The following DIS3L2 variants were observed in gnomAD, a reference collection of about 807,000 sequenced individuals.
DIS3L2 encodes the protein DIS3-like exonuclease 2.
A neutral mutation model predicts 97.5 loss-of-function variants in DIS3L2; 34 were observed. That is an observed-to-expected ratio of 0.35 (90% CI 0.27 to 0.46). DIS3L2 has a LOEUF of 0.46. Ranked by LOEUF, DIS3L2 falls within the 20% of genes least tolerant of loss-of-function variation. The probability of loss-of-function intolerance (pLI) is 1.00; values close to 1 mark genes in which losing one functional copy is unlikely to be tolerated. For missense variants in DIS3L2, 1,038 were observed against 1,146.0 expected (o/e 0.91, Z 1.36); for synonymous variants, 435 against 445.2 (o/e 0.98, Z 0.29).
intron 7 of DIS3L2, chr2:232,131,004 T>G: frequency 3.0e-6 from 1 of 338,804 alleles, no homozygotes; most frequent in Non-Finnish European, 5.3e-6. Context: ...AATGCAGCAT[T>G]TATCACTTTG....
intron 10 of DIS3L2, among the ~76,000 whole-genome samples, chr2:232,222,805 A>AT (rs1692540378): frequency 6.6e-6 from 1 of 152,154 alleles, no homozygotes. Flanking sequence ...TTGTATGATC[A>AT]TTTTTTACTG....
intron 6 of DIS3L2, among the ~76,000 whole-genome samples, chr2:232,122,613 G>C (rs1041162939): frequency 6.6e-6 from 1 of 152,138 alleles, no homozygotes; most frequent in Non-Finnish European, 1.5e-5. Flanking sequence ...AGCTACTCGG[G>C]AGGCTGAGGC....
At chr2:232,021,791 C>G (rs1694523038) in intron 3 of DIS3L2, among the ~76,000 whole-genome samples, 1 of 152,064 alleles carries the variant, frequency 6.6e-6, no homozygotes, top group African/African-American at 2.4e-5. Flanking sequence ...GATGGGGAAG[C>G]AAAGAGACCT....
intron 5 of DIS3L2, among the ~76,000 whole-genome samples, chr2:232,033,745 G>C (rs181437028): frequency 1.2e-3 from 188 of 152,224 alleles, no homozygotes; most frequent in African/African-American, 4.1e-3. Flanking sequence ...TTTGTCATCG[G>C]TTCTGTTTAT....
At chr2:232,045,552 A>G (rs72987689) in intron 5 of DIS3L2, among the ~76,000 whole-genome samples, 1,718 of 152,228 alleles carry the variant, frequency 0.011, 19 homozygotes, top group Non-Finnish European at 0.016. Flanking sequence ...GTGTCCTCAC[A>G]TGGCAGAAAG....
chr2:232,159,296 T>G (rs1468689615), intron 8 of DIS3L2, among the ~76,000 whole-genome samples: 1 of 152,204 alleles, frequency 6.6e-6, no homozygotes, highest in Admixed American at 6.5e-5. Flanking sequence ...TTACCACCAC[T>G]CTTGCAGGAC....
At position 232,156,536 on chromosome 2, in the gene DIS3L2, C is replaced by T. The variant is rs557631644; in HGVS notation, c.951-6923C>T. Among the ~76,000 whole-genome samples the T allele has an allele frequency of 1.8e-4, 28 of 151,736 alleles. No homozygotes were observed. The South Asian group carries it at 2.1e-3, about 11-fold the overall frequency. On this transcript the variant is annotated intron_variant, in intron 8 of 20. Coordinates refer to ENST00000325385, the MANE Select transcript of DIS3L2 (RefSeq NM_152383.5). ...ATGTTTGGATGGTTCCTTCTACTCT[C>T]CCTCCCTGGAATCTTTAAATAGTGA... is the stretch of plus-strand genomic sequence containing the variant.
chr2:232,231,466 G>C (rs980182241), intron 10 of DIS3L2, among the ~76,000 whole-genome samples: 1 of 152,226 alleles, frequency 6.6e-6, no homozygotes, highest in African/African-American at 2.4e-5. Flanking sequence ...AGATGGGCTT[G>C]TTCTGGGCAC....
Position 232,292,708 on chromosome 2 carries a change from A to G in DIS3L2, c.1660-7332A>G, listed in dbSNP as rs1487188182. On this transcript the variant is annotated intron_variant, in intron 13 of 20. Transcript: ENST00000325385. This position sits in a 1 kb window ranked among gnomAD's most constrained non-coding sequence, Gnocchi z 4.4. ...TGTGTGACCTCAGCCTGAGCCCCTG[A>G]AAGGAGAAGGCTCTCCCATTTTCTG... Among the ~76,000 whole-genome samples, 1 of 152,182 alleles carries G rather than the reference A, an allele frequency of 6.6e-6. No individual in the cohort carries two copies. Among genetic ancestry groups the G allele is most frequent in the Admixed American group, 6.5e-5 (1 of 15,282 alleles).
chr2:232,106,333 T>C (rs1489216660), intron 6 of DIS3L2, among the ~76,000 whole-genome samples: 2 of 152,190 alleles, frequency 1.3e-5, no homozygotes, highest in African/African-American at 4.8e-5. Flanking sequence ...TTTATAATAC[T>C]GAATGAAAAT....
intron 5 of DIS3L2, among the ~76,000 whole-genome samples, chr2:232,046,847 C>A (rs569373222): frequency 6.6e-5 from 10 of 151,918 alleles, no homozygotes; most frequent in Non-Finnish European, 1.5e-4. Context: ...AAGATGGGGT[C>A]TTGCTGTATT....
At chr2:232,279,529 TG>T (rs1645479209) in intron 13 of DIS3L2, among the ~76,000 whole-genome samples, 2 of 151,842 alleles carry the variant, frequency 1.3e-5, no homozygotes, top group Admixed American at 6.6e-5. Context: ...TTTGTTTGTT[TG>T]TTTGTTTGTT....
chr2:232,043,031 G>A (rs1054415581), intron 5 of DIS3L2, among the ~76,000 whole-genome samples: 2 of 152,144 alleles, frequency 1.3e-5, no homozygotes, highest in Non-Finnish European at 2.9e-5. Context: ...ACTGACAGAA[G>A]ACAAAATATT....
chr2:232,230,914 AC>A (rs992462340), intron 10 of DIS3L2, among the ~76,000 whole-genome samples: 2 of 149,962 alleles, frequency 1.3e-5, no homozygotes, highest in African/African-American at 2.5e-5. Flanking sequence ...GCTTGCGCCC[AC>A]CCCCCATCCT....
At chr2:232,121,073 A>G (rs116264825) in intron 6 of DIS3L2, among the ~76,000 whole-genome samples, 2,261 of 152,092 alleles carry the variant, frequency 0.015, 43 homozygotes, top group Admixed American at 0.054. Context: ...TATTATTCCA[A>G]TCCTTCACAG....
intron 16 of DIS3L2, among the ~76,000 whole-genome samples, chr2:232,331,092 C>G (rs1421133002): frequency 6.6e-6 from 1 of 152,240 alleles, no homozygotes; most frequent in African/African-American, 2.4e-5. Context: ...GAGACAGGGT[C>G]CCATGTGGTT....
At chr2:232,020,692 TTGTC>T in intron 3 of DIS3L2, among the ~76,000 whole-genome samples, 1 of 152,150 alleles carries the variant, frequency 6.6e-6, no homozygotes, top group East Asian at 1.9e-4. Context: ...TGGAGCCAGA[TTGTC>T]TGGCCTTGAA....
intron 1 of DIS3L2, among the ~76,000 whole-genome samples, chr2:231,996,544 A>G (rs1299692548): frequency 1.3e-5 from 2 of 152,210 alleles, no homozygotes; most frequent in Middle Eastern, 3.2e-3. Context: ...TTATGAAACA[A>G]TTTGAAACAC....
At chr2:232,147,750 A>G (rs1690257965) in intron 8 of DIS3L2, among the ~76,000 whole-genome samples, 1 of 152,262 alleles carries the variant, frequency 6.6e-6, no homozygotes, top group African/African-American at 2.4e-5. Flanking sequence ...CATTTTAAAT[A>G]GAATTTACAA....
Sources: gnomAD v4.1 joint callset for allele counts (sites outside exome capture counted in the v4.1 genomes callset) on GRCh38, gnomAD v4.1.1 for gene constraint, Gnocchi (gnomAD v3.1) non-coding constraint, MANE v1.5 for transcripts, NCBI Gene and HGNC (gene_info 2026-07-23, HGNC 2026-07-21) for gene names.